The following NXPE2 variants were observed in gnomAD, a reference collection of about 807,000 sequenced individuals.
The protein encoded by NXPE2 is neurexophilin and PC-esterase domain family member 2.
In NXPE2, 34 loss-of-function variants were observed where a neutral mutation model predicts 34.4. The observed-to-expected ratio is 0.99, with a 90% CI of 0.75 to 1.31. The LOEUF is 1.31. NXPE2 is among the 40% of genes most tolerant of loss of function. The pLI is 0.00. For missense variants in NXPE2, 649 were observed against 672.5 expected (o/e 0.97, Z 0.39); for synonymous variants, 235 against 231.3 (o/e 1.02, Z -0.15).
chr11:114,696,763 C>A (rs78885872), intron 2 of NXPE2, among the ~76,000 whole-genome samples: 1 of 152,098 alleles, frequency 6.6e-6, no homozygotes, highest in Non-Finnish European at 1.5e-5. Flanking sequence ...GGTTGAATGA[C>A]GGCCCCCTAA....
the NXPE2 span, among the ~76,000 whole-genome samples, chr11:114,631,412 C>G: frequency 6.6e-6 from 1 of 151,124 alleles, no homozygotes; most frequent in African/African-American, 2.4e-5. Flanking sequence ...TCTCAGTAAA[C>G]TATCGCAAGA....
the NXPE2 span, among the ~76,000 whole-genome samples, chr11:114,743,495 T>C: frequency 6.6e-6 from 1 of 152,084 alleles, no homozygotes; most frequent in Non-Finnish European, 1.5e-5. Context: ...GTTTTTAAAA[T>C]AAATTTACTT....
At chr11:114,525,803 T>C in the NXPE2 span, among the ~76,000 whole-genome samples, 3 of 152,220 alleles carry the variant, frequency 2.0e-5, no homozygotes, top group Non-Finnish European at 4.4e-5. Context: ...CAATACCCTT[T>C]CAGGTACATG....
the NXPE2 span, among the ~76,000 whole-genome samples, chr11:114,486,552 A>T: frequency 3.3e-5 from 5 of 152,194 alleles, no homozygotes; most frequent in East Asian, 9.6e-4. Context: ...ATTATGTATT[A>T]TAGTCAAGAA....
chr11:114,610,388 G>A, the NXPE2 span, among the ~76,000 whole-genome samples: 1 of 151,822 alleles, frequency 6.6e-6, no homozygotes, highest in Non-Finnish European at 1.5e-5. Context: ...TTGCCTCGTG[G>A]GTAACCACTG....
the NXPE2 span, among the ~76,000 whole-genome samples, chr11:114,651,329 T>C: frequency 6.6e-6 from 1 of 151,798 alleles, no homozygotes. Context: ...TTGTTACAGC[T>C]CGTTAAGGTG....
the NXPE2 span, among the ~76,000 whole-genome samples, chr11:114,643,959 C>G: frequency 6.6e-6 from 1 of 151,804 alleles, no homozygotes; most frequent in South Asian, 2.1e-4. Context: ...TTTGTAGTTC[C>G]CCTTGAAGAG....
the NXPE2 span, among the ~76,000 whole-genome samples, chr11:114,546,196 T>C: frequency 6.6e-6 from 1 of 152,202 alleles, no homozygotes; most frequent in Non-Finnish European, 1.5e-5. Flanking sequence ...ATATAAGCAC[T>C]GTACTCTCAG....
At chr11:114,465,982 G>A in the NXPE2 span, among the ~76,000 whole-genome samples, 1 of 151,978 alleles carries the variant, frequency 6.6e-6, no homozygotes, top group Non-Finnish European at 1.5e-5. Flanking sequence ...CTTTTATTTA[G>A]TTTGAAGTCT....
At chr11:114,810,781 G>T in the NXPE2 span, among the ~76,000 whole-genome samples, 5 of 152,144 alleles carry the variant, frequency 3.3e-5, no homozygotes, top group African/African-American at 1.2e-4. Flanking sequence ...TCAGTGTGGC[G>T]ATTCCTCAGG....
At chr11:114,777,034 G>C in the NXPE2 span, among the ~76,000 whole-genome samples, 1 of 152,208 alleles carries the variant, frequency 6.6e-6, no homozygotes, top group Non-Finnish European at 1.5e-5. Context: ...AATGGGCTGT[G>C]TGCACCTGTT....
At chr11:114,513,234 G>A in the NXPE2 span, 41 of 526,882 alleles carry the variant, frequency 7.8e-5, no homozygotes, top group Non-Finnish European at 1.4e-4. Flanking sequence ...TGCGTGTCTC[G>A]AGGGTTGAGG....
At chr11:114,715,939 C>T in the NXPE2 span, among the ~76,000 whole-genome samples, 7 of 152,112 alleles carry the variant, frequency 4.6e-5, no homozygotes, top group Non-Finnish European at 7.4e-5. Context: ...AGCTTCTAAC[C>T]GATCAAACCA....
chr11:114,514,090 TTC>T, the NXPE2 span, among the ~76,000 whole-genome samples: 69 of 152,296 alleles, frequency 4.5e-4, no homozygotes, highest in Non-Finnish European at 4.7e-4. Context: ...AACATATGTT[TTC>T]TTTTTTACAT....
At chr11:114,810,285 G>A in the NXPE2 span, among the ~76,000 whole-genome samples, 1 of 151,038 alleles carries the variant, frequency 6.6e-6, no homozygotes, top group Non-Finnish European at 1.5e-5. Flanking sequence ...GCATGGGCAA[G>A]GACTTCATGT....
chr11:114,727,785 ACAC>A, the NXPE2 span, among the ~76,000 whole-genome samples: 237 of 149,656 alleles, frequency 1.6e-3, 1 homozygote, highest in African/African-American at 4.7e-3. Flanking sequence ...ACACACACAC[ACAC>A]ACACACACAC....
chr11:114,711,133 A>G (rs181767304), downstream of NXPE2, among the ~76,000 whole-genome samples: 29 of 152,288 alleles, frequency 1.9e-4, no homozygotes, highest in Non-Finnish European at 3.4e-4. Context: ...CACAGTTAAT[A>G]CCATATGCAA....
chr11:114,601,337 T>C, the NXPE2 span, among the ~76,000 whole-genome samples: 2 of 148,552 alleles, frequency 1.3e-5, no homozygotes, highest in African/African-American at 2.5e-5. Context: ...AGTGAGAATA[T>C]GTGGTATTTG....
chr11:114,620,449 TATTA>T, the NXPE2 span, among the ~76,000 whole-genome samples: 1 of 151,992 alleles, frequency 6.6e-6, no homozygotes, highest in Admixed American at 6.5e-5. Flanking sequence ...ACCCAGTGGG[TATTA>T]ATTGTTGCCT....
Sources: allele counts gnomAD v4.1 joint callset (sites outside exome capture counted in the v4.1 genomes callset), GRCh38; gene constraint gnomAD v4.1.1; transcripts MANE v1.5; gene names NCBI Gene and HGNC (gene_info 2026-07-23, HGNC 2026-07-21).